Variants in FETUB observed in about 807,000 individuals in gnomAD.
FETUB encodes the protein fetuin-B.
A neutral mutation model predicts 30.9 loss-of-function variants in FETUB; 28 were observed. That is an observed-to-expected ratio of 0.90 (90% CI 0.67 to 1.24). The LOEUF (loss-of-function observed/expected upper bound fraction) is 1.24, where lower values mean the gene tolerates loss of function less well. Ranked by LOEUF, FETUB falls within the 50% of genes most tolerant of loss-of-function variation. The pLI, the probability that FETUB is intolerant of heterozygous loss-of-function variation, is 0.00. For missense variants in FETUB, 469 were observed against 455.3 expected (o/e 1.03, Z -0.27); for synonymous variants, 186 against 175.9 (o/e 1.06, Z -0.45).
At chr3:186,641,195 A>T (rs1717027015) in intron 2 of FETUB, 55 bp downstream of exon 2, 1 of 1,038,030 alleles carries the variant, frequency 9.6e-7, no homozygotes, top group Non-Finnish European at 1.5e-6. Flanking sequence ...AAGTAGGTAC[A>T]CTCTTTCTAC....
intron 6 of FETUB, 81 bp from the exon 7 acceptor site, chr3:186,652,182 G>T: frequency 1.4e-6 from 2 of 1,450,276 alleles, no homozygotes; most frequent in South Asian, 1.5e-5. Flanking sequence ...CAACAGAAAG[G>T]CACAGATCAG....
In FETUB at chr3:186,642,553, G is replaced by C; in HGVS notation, c.419G>C (p.Arg140Pro). 1.3e-6 allele frequency: 2 copies of C among 1,582,786 alleles called. No individual in the cohort carries two copies. Among genetic ancestry groups the C allele is most frequent in the Non-Finnish European group, 1.7e-6 (2 of 1,153,396 alleles). ...LYLAAYNCTLRPVSKKKIYMT... is the reference protein window; with the variant it reads ...LYLAAYNCTLPPVSKKKIYMT... ...TTAGCTGCTTATAACTGTACTCTTC[G>C]CCCAGGTAAGAAATCACTACGATTT... Residue 140 changes from arginine (R) to proline (P), a missense_variant, in exon 3 of 7, where the codon CGC becomes CCC. Physicochemically the swap from Arg to Pro is moderately radical, Grantham distance 103. Transcript: ENST00000265029.
intron 6 of FETUB, 95 bp from the exon 7 acceptor site, chr3:186,652,168 G>A (rs1718098522): frequency 7.1e-7 from 1 of 1,403,938 alleles, no homozygotes; most frequent in South Asian, 1.6e-5. Context: ...CCTTTGAAAT[G>A]TTCCAACAGA....
At chr3:186,638,816 G>A (rs186202102), upstream of FETUB, among the ~76,000 whole-genome samples, 148 of 152,278 alleles carry the variant, frequency 9.7e-4, no homozygotes, top group Non-Finnish European at 1.9e-3. Context: ...CGTTGCTCAA[G>A]CTCAATGAAT....
At chr3:186,646,634 T>C (rs1266060334) in intron 5 of FETUB, among the ~76,000 whole-genome samples, 2 of 152,170 alleles carry the variant, frequency 1.3e-5, no homozygotes, top group African/African-American at 2.4e-5. Context: ...ACGTTTGTAA[T>C]ATAGCATGGT....
intron 3 of FETUB, 76 bp downstream of exon 3, chr3:186,642,634 G>T: frequency 1.2e-6 from 1 of 838,872 alleles, no homozygotes. Flanking sequence ...TGCCAAGAAT[G>T]TATAGGGTAT....
chr3:186,642,664 T>A (rs1717170721), intron 3 of FETUB, 106 bp downstream of exon 3: 5 of 735,112 alleles, frequency 6.8e-6, no homozygotes, highest in Admixed American at 2.5e-5. Context: ...TTATTTTCTG[T>A]TTATTCTTAA....
Position 186,649,739 on chromosome 3 carries a change from G to C in FETUB, c.697-1479G>C, listed in dbSNP as rs915997698. On this transcript the variant is annotated intron_variant, in intron 5 of 6. Transcript: ENST00000265029. ...TCCTGCCTCAGCCTCCAAAAGTGCT[G>C]GGATTACAGGCGTGAGCCACTGCGC... Among the ~76,000 whole-genome samples, 19 of 152,298 alleles carry C rather than the reference G, an allele frequency of 1.2e-4. No individual in the cohort carries two copies. The South Asian group carries it at 3.1e-3, about 25-fold the overall frequency.
At chr3:186,647,956 G>A (rs949090064) in intron 5 of FETUB, among the ~76,000 whole-genome samples, 1 of 151,854 alleles carries the variant, frequency 6.6e-6, no homozygotes, top group African/African-American at 2.4e-5. Flanking sequence ...AAATGCAAGG[G>A]ATCCAGAATG....
In FETUB at chr3:186,646,038, A is replaced by G. The variant is rs544213254; in HGVS notation, c.595-210A>G. Reference sequence around the variant, plus strand: ...CCGTGCCCAGCCTCAAATCTTAAAGAAGAGAAGAAAGGTGTGAGATTATGT... The same window carrying G: ...CCGTGCCCAGCCTCAAATCTTAAAGGAGAGAAGAAAGGTGTGAGATTATGT... On this transcript the variant is annotated intron_variant, in intron 4 of 6. Coordinates refer to ENST00000265029, the MANE Select transcript of FETUB (RefSeq NM_014375.3). 7.9e-5 allele frequency among the ~76,000 whole-genome samples: 12 copies of G among 152,320 alleles called. No individual in the cohort carries two copies. The East Asian group carries it at 1.9e-3, about 24-fold the overall frequency.
chr3:186,638,692 T>C (rs139305202), upstream of FETUB, among the ~76,000 whole-genome samples: 1 of 152,308 alleles, frequency 6.6e-6, no homozygotes, highest in Non-Finnish European at 1.5e-5. Flanking sequence ...TTATTTTAGT[T>C]GCACTCATGG....
At chr3:186,646,839 A>G (rs1436265294) in intron 5 of FETUB, among the ~76,000 whole-genome samples, 1 of 152,218 alleles carries the variant, frequency 6.6e-6, no homozygotes, top group Non-Finnish European at 1.5e-5. Context: ...TTACAGTAAC[A>G]GCTTTATTAA....
chr3:186,645,861 G>A (rs1717479525), intron 4 of FETUB, among the ~76,000 whole-genome samples: 1 of 151,620 alleles, frequency 6.6e-6, no homozygotes, highest in African/African-American at 2.4e-5. Flanking sequence ...CGAGTAGCTG[G>A]GATTACAGGC....
intron 1 of FETUB, 89 bp from the exon 2 acceptor site, chr3:186,640,941 T>C: frequency 1.2e-6 from 1 of 821,778 alleles, no homozygotes; most frequent in East Asian, 2.5e-5. Flanking sequence ...ATTCTTTGGC[T>C]TTGCCATAAA....
chr3:186,646,411 G>A (rs1169363958), intron 5 of FETUB, 62 bp downstream of exon 5: 10 of 1,254,228 alleles, frequency 8.0e-6, no homozygotes, highest in East Asian at 2.3e-5. Context: ...AGTGTTTGTG[G>A]AGCATAAATT....
upstream of FETUB, among the ~76,000 whole-genome samples, chr3:186,637,067 A>G (rs973911476): frequency 4.6e-5 from 7 of 152,192 alleles, no homozygotes; most frequent in Admixed American, 6.5e-5. Flanking sequence ...TCTGTTCCTC[A>G]GCCTCCTTAT....
intron 3 of FETUB, among the ~76,000 whole-genome samples, chr3:186,642,844 G>C (rs1175738485): frequency 6.6e-6 from 1 of 152,104 alleles, no homozygotes; most frequent in Non-Finnish European, 1.5e-5. Context: ...GTTCCCTCAG[G>C]CTTCCTTTCT....
rs1306645066 is a variant in FETUB at position 186,648,686 on chromosome 3, G to A, written c.696+2337G>A. On this transcript the variant is annotated intron_variant, in intron 5 of 6. Coordinates refer to ENST00000265029, the MANE Select transcript of FETUB (RefSeq NM_014375.3). ...ATTTAATTTCTTTCAACAAAGTTTTGTAGTTTTCAGTGTACAAAACTTTCA... is the reference window on the plus strand; with the variant it reads ...ATTTAATTTCTTTCAACAAAGTTTTATAGTTTTCAGTGTACAAAACTTTCA... Among the ~76,000 whole-genome samples, 5 of 152,058 alleles carry A rather than the reference G, an allele frequency of 3.3e-5. 1 individual carries two copies. In the South Asian group the frequency reaches 8.3e-4, roughly 25 times the overall value.
At chr3:186,637,564 G>A (rs1716811216), upstream of FETUB, among the ~76,000 whole-genome samples, 1 of 152,184 alleles carries the variant, frequency 6.6e-6, no homozygotes, top group Non-Finnish European at 1.5e-5. Flanking sequence ...GTGTCAGGAG[G>A]TGGGCAGGCC....
Sources: allele counts gnomAD v4.1 joint callset (sites outside exome capture counted in the v4.1 genomes callset), GRCh38; gene constraint gnomAD v4.1.1; transcripts MANE v1.5; gene names NCBI Gene and HGNC (gene_info 2026-07-23, HGNC 2026-07-21).